Variants in MARCHF1 observed in about 807,000 individuals in gnomAD.
MARCHF1 encodes membrane associated ring-CH-type finger 1, also known as E3 ubiquitin-protein ligase MARCHF1.
MARCHF1 carries 40 observed loss-of-function variants against 54.2 expected under a neutral mutation model. That is an observed-to-expected ratio of 0.74 (90% CI 0.57 to 0.96). The LOEUF is 0.96. Among genes scored for constraint, MARCHF1 ranks in the 40% least tolerant of loss-of-function variants. The probability of loss-of-function intolerance (pLI) is 0.00; values close to 1 mark genes in which losing one functional copy is unlikely to be tolerated. For missense variants in MARCHF1, 586 were observed against 656.5 expected (o/e 0.89, Z 1.17); for synonymous variants, 236 against 236.3 (o/e 1.00, Z 0.01).
intron 8 of MARCHF1, among the ~76,000 whole-genome samples, chr4:163,549,001 A>G (rs1739006788): frequency 6.6e-6 from 1 of 152,206 alleles, no homozygotes; most frequent in Non-Finnish European, 1.5e-5. Flanking sequence ...TGCTTTACCA[A>G]ATAACGTGTG....
intron 5 of MARCHF1, among the ~76,000 whole-genome samples, chr4:163,617,880 C>A (rs1458140965): frequency 6.6e-6 from 1 of 152,094 alleles, no homozygotes; most frequent in Non-Finnish European, 1.5e-5. Context: ...GCTATACAGA[C>A]AAAGATGTCA....
chr4:164,072,625 C>A (rs146316313), intron 2 of MARCHF1, among the ~76,000 whole-genome samples: 1,870 of 150,584 alleles, frequency 0.012, 39 homozygotes, highest in African/African-American at 0.043. Context: ...CATTATTTTC[C>A]TCTCCCTAAA....
At chr4:163,536,091 T>C (rs1738521958) in intron 9 of MARCHF1, among the ~76,000 whole-genome samples, 1 of 152,178 alleles carries the variant, frequency 6.6e-6, no homozygotes, top group East Asian at 1.9e-4. Context: ...ATTGGGAAAT[T>C]TGCAGAAAGG....
intron 3 of MARCHF1, among the ~76,000 whole-genome samples, chr4:163,889,854 T>TA (rs68062722): frequency 5.3e-4 from 78 of 147,068 alleles, no homozygotes; most frequent in South Asian, 1.3e-3. Flanking sequence ...ACCTGCAGAT[T>TA]AAAAAAAAAA....
intron 1 of MARCHF1, chr4:164,190,279 G>A: frequency 1.1e-6 from 1 of 878,054 alleles, no homozygotes; most frequent in Non-Finnish European, 1.8e-6. Flanking sequence ...AAACTCTATG[G>A]AAGTGCAAGC....
At chr4:163,684,326 A>G (rs77864316) in intron 5 of MARCHF1, among the ~76,000 whole-genome samples, 4,530 of 152,312 alleles carry the variant, frequency 0.03, 78 homozygotes, top group East Asian at 0.077. Context: ...CAACTGGAAT[A>G]TATGTTGCCC....
At chr4:163,560,892 ACTT>A (rs778945213) in intron 8 of MARCHF1, among the ~76,000 whole-genome samples, 10 of 152,136 alleles carry the variant, frequency 6.6e-5, no homozygotes, top group Non-Finnish European at 1.5e-4. Context: ...TGCTAAATTC[ACTT>A]CTTAGTCTTA....
intron 2 of MARCHF1, among the ~76,000 whole-genome samples, chr4:164,026,107 CAAA>C (rs907617500): frequency 1.1e-4 from 17 of 151,708 alleles, no homozygotes; most frequent in African/African-American, 3.6e-4. Context: ...ACAACAACAA[CAAA>C]AAATTGCTGG....
At chr4:163,757,048 A>G (rs1387478642) in intron 4 of MARCHF1, among the ~76,000 whole-genome samples, 3 of 152,244 alleles carry the variant, frequency 2.0e-5, no homozygotes, top group African/African-American at 7.2e-5. Flanking sequence ...CACACTAAAA[A>G]TGAAAATGGA....
chr4:164,134,374 T>C (rs1756358556), intron 1 of MARCHF1, among the ~76,000 whole-genome samples: 1 of 152,222 alleles, frequency 6.6e-6, no homozygotes, highest in Non-Finnish European at 1.5e-5. Flanking sequence ...AAAGCAGTAC[T>C]TGTTAAGAGA....
chr4:163,825,491 C>T (rs905376056), intron 4 of MARCHF1, among the ~76,000 whole-genome samples: 5 of 151,746 alleles, frequency 3.3e-5, no homozygotes, highest in African/African-American at 9.7e-5. Context: ...ATGGTAATTC[C>T]GTTTTAAGTT....
chr4:164,275,603 A>C (rs1393025775), intron 1 of MARCHF1, among the ~76,000 whole-genome samples: 2 of 152,254 alleles, frequency 1.3e-5, no homozygotes, highest in African/African-American at 4.8e-5. Flanking sequence ...GGTTGATTAA[A>C]TTCCATTCAG....
intron 1 of MARCHF1, among the ~76,000 whole-genome samples, chr4:164,337,712 C>T (rs1199700870): frequency 6.6e-6 from 1 of 152,178 alleles, no homozygotes; most frequent in African/African-American, 2.4e-5. Flanking sequence ...CACACAACAC[C>T]CAGGTGGTGA....
chr4:163,919,741 T>G (rs1254328939), intron 3 of MARCHF1, among the ~76,000 whole-genome samples: 1 of 152,148 alleles, frequency 6.6e-6, no homozygotes, highest in Non-Finnish European at 1.5e-5. Flanking sequence ...AATGTTTTAA[T>G]AATTCAAAAT....
intron 4 of MARCHF1, among the ~76,000 whole-genome samples, chr4:163,712,439 A>G: frequency 6.6e-6 from 1 of 152,180 alleles, no homozygotes; most frequent in East Asian, 1.9e-4. Flanking sequence ...TGATTCAAAC[A>G]AAATAAATGT....
chr4:164,199,896 C>T (rs1162762843), intron 1 of MARCHF1, among the ~76,000 whole-genome samples: 2 of 152,136 alleles, frequency 1.3e-5, no homozygotes, highest in African/African-American at 4.8e-5. Flanking sequence ...GCTCCCATGG[C>T]ACAGTACTTC....
chr4:164,176,970 C>CCATATATATATATATA lies in MARCHF1; in HGVS notation c.-322-65309_-322-65308insTATATATATATATATG, dbSNP rs3059788. ...TCTCTCTCTCTCTCTCTCTCTCTCT[C>CCATATATATATATATA]TCTCTCTCTCTATATATATATATAT... On this transcript the variant is annotated intron_variant, in intron 1 of 9. Coordinates refer to ENST00000514618, the MANE Select transcript of MARCHF1 (RefSeq NM_001394959.1). 1.2e-4 allele frequency among the ~76,000 whole-genome samples: 7 copies of CCATATATATATATATA among 57,428 alleles called. 3 individuals carry two copies. The highest frequency in any genetic ancestry group is 1.6e-4 in the Non-Finnish European group (5 of 32,200). 37.7% of individuals were successfully genotyped at this position (57,428 alleles called of 152,430 possible). A position where few individuals can be genotyped will look rare whatever the true frequency, so the allele number is the denominator to read the frequency against.
intron 4 of MARCHF1, among the ~76,000 whole-genome samples, chr4:163,782,578 G>A (rs1271073612): frequency 6.7e-6 from 1 of 149,570 alleles, no homozygotes; most frequent in Non-Finnish European, 1.5e-5. Context: ...GCTGAGGAAG[G>A]AGAATCACTT....
In MARCHF1 at chr4:164,143,074, A is replaced by C. The variant is rs1351074899; in HGVS notation, c.-322-31412T>G. Among the ~76,000 whole-genome samples the C allele has an allele frequency of 4.8e-5, 7 of 147,022 alleles. No individual in the cohort carries two copies. In the South Asian group the frequency reaches 1.1e-3, roughly 24 times the overall value. On this transcript the variant is annotated intron_variant, in intron 1 of 9. Coordinates refer to ENST00000514618, the MANE Select transcript of MARCHF1 (RefSeq NM_001394959.1). Reference sequence around the variant, plus strand: ...ATCAACTGGAAGAAAGGGTATCAGCAATGGAAGATGAAATGAATGAAATGA... The same window carrying C: ...ATCAACTGGAAGAAAGGGTATCAGCCATGGAAGATGAAATGAATGAAATGA...
Sources: allele counts gnomAD v4.1 joint callset (sites outside exome capture counted in the v4.1 genomes callset), GRCh38; gene constraint gnomAD v4.1.1; transcripts MANE v1.5; gene names NCBI Gene and HGNC (gene_info 2026-07-23, HGNC 2026-07-21).